ARPIN: variants seen among roughly 807,000 people sequenced by gnomAD.
ARPIN encodes UPF0552 protein C15orf38.
A neutral mutation model predicts 25.9 loss-of-function variants in ARPIN; 23 were observed. The observed-to-expected ratio is 0.89, with a 90% CI of 0.64 to 1.26. The LOEUF is 1.26. ARPIN is among the 50% of genes most tolerant of loss of function. ARPIN has a pLI of 0.00. For synonymous variants in ARPIN, 126 were observed against 131.4 expected, an observed-to-expected ratio of 0.96 and a Z score of 0.28; for missense variants, 333 against 312.2, an observed-to-expected ratio of 1.07 and a Z score of -0.50.
At chr15:89,908,783 A>G (rs1483493421) in intron 2 of ARPIN, among the ~76,000 whole-genome samples, 1 of 151,996 alleles carries the variant, frequency 6.6e-6, no homozygotes, top group Non-Finnish European at 1.5e-5. Flanking sequence ...GGAGTTCGAG[A>G]CCAGCCTGGC....
Position 89,908,351 on chromosome 15 carries a change from T to G in ARPIN, c.230A>C (p.Lys77Thr). The G allele has an allele frequency of 6.2e-7, 1 of 1,614,186 alleles. No individual in the cohort carries two copies. Among genetic ancestry groups the G allele is most frequent in the Non-Finnish European group, 8.5e-7 (1 of 1,180,036 alleles). Residue 77 changes from lysine (K) to threonine (T), a missense_variant, in exon 3 of 6, where the codon AAG (lysine) becomes ACG (threonine). Coordinates refer to ENST00000357484, the MANE Select transcript of ARPIN (RefSeq NM_182616.4). Reference sequence around the variant, plus strand: ...GAAGTTGGGCTCGATTTCATTTCCCTTGGCGTCGAATTTACGGCGATGGAT... The same window carrying G: ...GAAGTTGGGCTCGATTTCATTTCCCGTGGCGTCGAATTTACGGCGATGGAT... ...SHIHRRKFDA[K>T]GNEIEPNFSA...
intron 4 of ARPIN, 103 bp from the exon 5 acceptor site, chr15:89,903,482 T>G: frequency 6.5e-7 from 1 of 1,547,828 alleles, no homozygotes; most frequent in South Asian, 1.2e-5. Flanking sequence ...GTTAAACCAC[T>G]GTTTTCTCCA....
rs1248742425 is a variant in ARPIN at position 89,910,628 on chromosome 15, A to C, written c.168+116T>G. The C allele has an allele frequency of 2.3e-6, 3 of 1,293,300 alleles. 1 individual carries two copies. The Admixed American group carries it at 6.1e-5, about 26-fold the overall frequency. 80.1% of individuals were successfully genotyped at this position (1,293,300 alleles called of 1,614,324 possible). ...TGACCTACTTCCCACTTGCTTTCTA[A>C]GCCCATCAAGAATCCCAACTCATGG... On this transcript the variant is annotated intron_variant, in intron 2 of 5. Transcript: ENST00000357484.
intron 2 of ARPIN, among the ~76,000 whole-genome samples, chr15:89,909,651 T>C (rs1053983827): frequency 3.9e-5 from 6 of 152,160 alleles, no homozygotes; most frequent in Admixed American, 3.9e-4. Context: ...ATTTGTCCTA[T>C]TGGCAGCAGG....
rs926891055 is a variant in ARPIN, at chr15:89,898,286, A to T, written c.*3509T>A. 2 of 151,760 alleles carry T rather than the reference A, an allele frequency of 1.3e-5. No homozygotes were observed. The highest frequency in any genetic ancestry group is 4.8e-5 in the African/African-American group (2 of 41,260). 9.4% of individuals were successfully genotyped at this position (151,760 alleles called of 1,614,324 possible). A position where few individuals can be genotyped will look rare whatever the true frequency, so the allele number is the denominator to read the frequency against. On this transcript the variant is annotated 3_prime_UTR_variant, in exon 6 of 6. Coordinates refer to ENST00000357484, the MANE Select transcript of ARPIN (RefSeq NM_182616.4). ...AAATTCAGATGGGTAGAGGAAAGGG[A>T]CCTCCCTCCAAGAAAAGAGTCCAGG...
chr15:89,906,004 C>T (rs992534562), intron 3 of ARPIN, among the ~76,000 whole-genome samples: 8 of 152,100 alleles, frequency 5.3e-5, no homozygotes, highest in African/African-American at 1.2e-4. Flanking sequence ...AGTCTGGCAC[C>T]GATGCCCAAC....
At position 89,903,887 on chromosome 15, in the gene ARPIN, G is replaced by T. The variant is rs1054909257; in HGVS notation, c.398C>A (p.Thr133Asn). ...PELLALTESL[T>N]PDHTVAFWMP... The stretch of plus-strand genomic sequence containing the variant: ...CCAGAACGCCACTGTGTGGTCGGGG[G>T]TGAGGCTCTCTGTCAGCGCGAGCAG... The change falls in exon 4 of 6, where the codon ACC becomes AAC. Residue 133 changes from threonine (T) to asparagine (N), a missense_variant. Physicochemically the swap from Thr to Asn is moderately conservative, Grantham distance 65 (BLOSUM62 0). Transcript: ENST00000357484. The T allele has an allele frequency of 1.2e-6, 2 of 1,614,024 alleles. No individual in the cohort carries two copies. The highest frequency in any genetic ancestry group is 1.1e-5 in the South Asian group (1 of 91,090).
chr15:89,906,114 C>T (rs1223917809), intron 3 of ARPIN, among the ~76,000 whole-genome samples: 1 of 152,120 alleles, frequency 6.6e-6, no homozygotes, highest in Non-Finnish European at 1.5e-5. Flanking sequence ...AGTCTCTGCA[C>T]CCCCACTGAC....
chr15:89,903,401 A>T, intron 4 of ARPIN, 22 bp from the exon 5 acceptor site: 1 of 1,613,998 alleles, frequency 6.2e-7, no homozygotes, highest in African/African-American at 1.3e-5. Flanking sequence ...GATGAAATTG[A>T]ATGTCCTCTG....
chr15:89,903,157 A>G (rs1326707562), intron 5 of ARPIN, 59 bp downstream of exon 5: 12 of 1,614,070 alleles, frequency 7.4e-6, no homozygotes, highest in Non-Finnish European at 1.0e-5. Context: ...CCACAACCTC[A>G]ACCAGTATGT....
chr15:89,904,507 C>CAGGGTCTACCTGGCTGGGGT (rs1465471024), intron 3 of ARPIN, among the ~76,000 whole-genome samples: 2 of 152,200 alleles, frequency 1.3e-5, no homozygotes, highest in Non-Finnish European at 2.9e-5. Context: ...TCCAGGCTCT[C>CAGGGTCTACCTGGCTGGGGT]AGGGTCTACC....
In ARPIN at chr15:89,903,971, T is replaced by C. The variant is rs747794904; in HGVS notation, c.314A>G (p.Lys105Arg). 3 of 1,606,422 alleles carry C rather than the reference T, an allele frequency of 1.9e-6. No individual in the cohort carries two copies. The highest frequency in any genetic ancestry group is 2.7e-5 in the African/African-American group (2 of 74,894). Residue 105 changes from lysine to arginine, a missense_variant, in exon 4 of 6, where the codon AAG becomes AGG. Physicochemically the swap from Lys to Arg is conservative, Grantham distance 26 (BLOSUM62 2). Transcript: ENST00000357484. ...GGGCGTGAGCCTGTCAGTGTCCCCC[T>C]TGGCTTCCACCTCTGCAGGCACAGA... ...FLMSSYKVEA[K>R]GDTDRLTPEA...
At chr15:89,904,034 T>C in intron 3 of ARPIN, 51 bp from the exon 4 acceptor site, 1 of 1,552,278 alleles carries the variant, frequency 6.4e-7, no homozygotes, top group Non-Finnish European at 8.7e-7. Context: ...AGCAAGAACT[T>C]CCGGAGGGCC....
rs578075354 is a variant in ARPIN at position 89,898,271 on chromosome 15, G to A, written c.*3524C>T. ...TGGTGGAAGAAAAAAAAATTCAGAT[G>A]GGTAGAGGAAAGGGACCTCCCTCCA... On this transcript the variant is annotated 3_prime_UTR_variant, in exon 6 of 6. Coordinates refer to ENST00000357484, the MANE Select transcript of ARPIN (RefSeq NM_182616.4). The A allele has an allele frequency of 2.6e-5, 4 of 152,308 alleles. No individual in the cohort carries two copies. The East Asian group carries it at 7.7e-4, about 29-fold the overall frequency. 9.4% of individuals were successfully genotyped at this position (152,308 alleles called of 1,614,324 possible).
Position 89,903,332 on chromosome 15 carries a change from T to C in ARPIN, c.556A>G (p.Thr186Ala). 1 of 1,614,152 alleles carries C rather than the reference T, an allele frequency of 6.2e-7. No homozygotes were observed. Among genetic ancestry groups the C allele is most frequent in the African/African-American group, 1.3e-5 (1 of 75,018 alleles). Residue 186 changes from threonine (T) to alanine (A), a missense_variant, in exon 5 of 6, where the codon ACT becomes GCT. By Grantham distance (58) the Thr-to-Ala change is moderately conservative (BLOSUM62 0). Transcript: ENST00000357484. Reference protein sequence around the residue: ...EAGTVTKCNFTGDGKTGASWT... With the variant: ...EAGTVTKCNFAGDGKTGASWT... ...GATGCCCCTGTCTTTCCATCACCAG[T>C]GAAATTACACTTGGTCACTGTTCCA... is the stretch of plus-strand genomic sequence containing the variant.
In ARPIN at chr15:89,895,379, T is replaced by C. The variant is rs1343978216; in HGVS notation, c.*6416A>G. The C allele has an allele frequency of 6.6e-6, 1 of 152,160 alleles. No homozygotes were observed. Among genetic ancestry groups the C allele is most frequent in the African/African-American group, 2.4e-5 (1 of 41,440 alleles). The allele number at this position is 152,160 out of a possible 1,614,324, so 9.4% of individuals were successfully genotyped here. A position where few individuals can be genotyped will look rare whatever the true frequency, so the allele number is the denominator to read the frequency against. ...ACCAAAATATGAATCATGTATCTGA[T>C]GGAATGGCAGAGTCAGGGTGTTTGA... On this transcript the variant is annotated 3_prime_UTR_variant, in exon 6 of 6. Transcript: ENST00000357484.
intron 5 of ARPIN, 89 bp from the exon 6 acceptor site, chr15:89,901,892 C>G (rs1897027437): frequency 3.3e-6 from 5 of 1,509,424 alleles, no homozygotes; most frequent in Admixed American, 1.8e-5. Flanking sequence ...GGTTCAATTG[C>G]GTGGTACCTG....
intron 1 of ARPIN, chr15:89,912,507 C>G: frequency 1.5e-6 from 2 of 1,297,132 alleles, no homozygotes; most frequent in Middle Eastern, 2.9e-4. Context: ...GGGACCCTCT[C>G]TCGAGGGCAG....
rs1346740577 is a variant in ARPIN at position 89,901,336 on chromosome 15, G to A, written c.*459C>T. 1 of 185,056 alleles carries A rather than the reference G, an allele frequency of 5.4e-6. No individual in the cohort carries two copies. Among genetic ancestry groups the A allele is most frequent in the East Asian group, 1.7e-4 (1 of 6,010 alleles). The allele number at this position is 185,056 out of a possible 1,614,324, so 11.5% of individuals were successfully genotyped here. ...TCCAGTTACTCTCAGGCTGTCCTAG[G>A]GTCTCTCCCACCACCTGCCTCTACA... On this transcript the variant is annotated 3_prime_UTR_variant, in exon 6 of 6. Transcript: ENST00000357484.
Sources: allele counts gnomAD v4.1 joint callset (sites outside exome capture counted in the v4.1 genomes callset), GRCh38; gene constraint gnomAD v4.1.1; transcripts MANE v1.5; gene names NCBI Gene and HGNC (gene_info 2026-07-23, HGNC 2026-07-21).